Variants in GNAQ observed in about 807,000 individuals in gnomAD.
The protein encoded by GNAQ is guanine nucleotide-binding protein G(q) subunit alpha.
In GNAQ, 8 loss-of-function variants were observed where a neutral mutation model predicts 43.9. That is an observed-to-expected ratio of 0.18 (90% confidence interval 0.11 to 0.33). GNAQ has a LOEUF of 0.33. Ranked by LOEUF, GNAQ falls within the 10% of genes least tolerant of loss-of-function variation. GNAQ has a pLI of 1.00. For synonymous variants in GNAQ, 155 were observed against 170.7 expected (o/e 0.91, Z 0.71); for missense variants, 158 against 450.8 (o/e 0.35, Z 5.88).
chr9:77,817,883 A>C (rs1484004981), intron 2 of GNAQ, among the ~76,000 whole-genome samples: 1 of 152,200 alleles, frequency 6.6e-6, no homozygotes, highest in African/African-American at 2.4e-5. Context: ...TGGCGGGTGA[A>C]GATGAAGATG....
intron 2 of GNAQ, among the ~76,000 whole-genome samples, chr9:77,881,894 T>C (rs1381548102): frequency 1.3e-5 from 2 of 152,152 alleles, no homozygotes; most frequent in African/African-American, 2.4e-5. Flanking sequence ...TCCCAGTACT[T>C]TGGGAGGCCG....
At chr9:78,023,006 A>G (rs1456361123) in intron 1 of GNAQ, among the ~76,000 whole-genome samples, 1 of 152,202 alleles carries the variant, frequency 6.6e-6, no homozygotes, top group Non-Finnish European at 1.5e-5. Context: ...TTAAGTGAGG[A>G]AGATGCCTAC....
chr9:77,772,236 C>A (rs928994757), intron 5 of GNAQ, among the ~76,000 whole-genome samples: 5 of 152,172 alleles, frequency 3.3e-5, no homozygotes, highest in African/African-American at 1.2e-4. Flanking sequence ...TATCCTTTAA[C>A]ATTTTCTATT....
intron 1 of GNAQ, among the ~76,000 whole-genome samples, chr9:77,934,183 G>A (rs1188143334): frequency 3.4e-5 from 5 of 146,190 alleles, no homozygotes; most frequent in Admixed American, 6.8e-5. Context: ...ACAACGATCC[G>A]CACATAGCCA....
At chr9:77,893,640 C>T (rs1828440238) in intron 2 of GNAQ, among the ~76,000 whole-genome samples, 3 of 152,150 alleles carry the variant, frequency 2.0e-5, no homozygotes, top group South Asian at 2.1e-4. Flanking sequence ...ATTTCTTGCT[C>T]GAGCTCCAAG....
At chr9:77,735,316 AG>A (rs974024949) in intron 5 of GNAQ, among the ~76,000 whole-genome samples, 33 of 152,226 alleles carry the variant, frequency 2.2e-4, no homozygotes, top group Admixed American at 1.1e-3. Context: ...AAGCAAGACC[AG>A]TTGATTTACT....
In GNAQ at chr9:77,989,265, C is replaced by T. The variant is rs114637953; in HGVS notation, c.136+41835G>A. On this transcript the variant is annotated intron_variant, in intron 1 of 6. Coordinates refer to ENST00000286548, the MANE Select transcript of GNAQ (RefSeq NM_002072.5). ...CAAGTACCTCTGGCTGCCTACCCAA[C>T]ATCCCCTCTCCATTAAACATTTGCC... 2.2e-3 allele frequency among the ~76,000 whole-genome samples: 337 copies of T among 152,318 alleles called. 5 individuals are homozygous for T. Among genetic ancestry groups the T allele is most frequent in the African/African-American group, 7.5e-3 (313 of 41,578 alleles).
intron 3 of GNAQ, among the ~76,000 whole-genome samples, chr9:77,812,361 T>C (rs1441579264): frequency 6.6e-6 from 1 of 152,196 alleles, no homozygotes; most frequent in Non-Finnish European, 1.5e-5. Context: ...TCATCCACCA[T>C]GGGTAAACAA....
At position 77,967,705 on chromosome 9, in the gene GNAQ, C is replaced by A. The variant is rs568854823; in HGVS notation, c.137-45360G>T. Among the ~76,000 whole-genome samples the A allele has an allele frequency of 3.3e-5, 5 of 152,204 alleles. No homozygotes were observed. The East Asian group carries it at 9.7e-4, about 29-fold the overall frequency. ...TGTTAAAATGTTCAGGTCTGCTGGG[C>A]GCGGTGGCTCTCTCCTGTAATCCCA... On this transcript the variant is annotated intron_variant, in intron 1 of 6. Transcript: ENST00000286548.
At chr9:78,021,527 A>C (rs1235642484) in intron 1 of GNAQ, among the ~76,000 whole-genome samples, 1 of 152,234 alleles carries the variant, frequency 6.6e-6, no homozygotes, top group Non-Finnish European at 1.5e-5. Context: ...TGATGGAAAA[A>C]GAAATGAACA....
intron 3 of GNAQ, among the ~76,000 whole-genome samples, chr9:77,808,393 T>C (rs984960373): frequency 6.7e-6 from 1 of 149,692 alleles, no homozygotes; most frequent in Non-Finnish European, 1.5e-5. Flanking sequence ...TTGGAAAATG[T>C]GGCCCACTAG....
intron 5 of GNAQ, among the ~76,000 whole-genome samples, chr9:77,731,910 T>TTATGC (rs1825496747): frequency 6.6e-6 from 1 of 152,192 alleles, no homozygotes; most frequent in East Asian, 1.9e-4. Context: ...TTAAGATTCT[T>TTATGC]TATGCTATGC....
chr9:77,942,434 T>C (rs1257617390), intron 1 of GNAQ, among the ~76,000 whole-genome samples: 2 of 152,254 alleles, frequency 1.3e-5, no homozygotes, highest in African/African-American at 4.8e-5. Context: ...TCTGCAGTGA[T>C]CCATCACTCT....
chr9:77,782,342 A>G (rs991977454), intron 5 of GNAQ, among the ~76,000 whole-genome samples: 1 of 152,222 alleles, frequency 6.6e-6, no homozygotes, highest in Non-Finnish European at 1.5e-5. Context: ...AGACTTGTAC[A>G]TCTGTTCACT....
At chr9:77,725,295 C>T (rs1226033118) in intron 6 of GNAQ, among the ~76,000 whole-genome samples, 1 of 152,124 alleles carries the variant, frequency 6.6e-6, no homozygotes, top group African/African-American at 2.4e-5. Flanking sequence ...AGGGTAATTT[C>T]CTTTCTTGAA....
chr9:77,892,445 G>T (rs1282370075), intron 2 of GNAQ, among the ~76,000 whole-genome samples: 1 of 152,166 alleles, frequency 6.6e-6, no homozygotes, highest in Non-Finnish European at 1.5e-5. Flanking sequence ...TTCAATACTG[G>T]TTTCTATCAC....
chr9:77,763,583 T>C (rs918123383), intron 5 of GNAQ, among the ~76,000 whole-genome samples: 9 of 152,228 alleles, frequency 5.9e-5, no homozygotes, highest in African/African-American at 2.2e-4. Context: ...TTCAGGAAGA[T>C]AACTATGAAT....
At chr9:77,756,394 G>A (rs1248903985) in intron 5 of GNAQ, among the ~76,000 whole-genome samples, 1 of 152,240 alleles carries the variant, frequency 6.6e-6, no homozygotes, top group African/African-American at 2.4e-5. Flanking sequence ...CTATGGCACA[G>A]ACTATTCACT....
At chr9:78,026,327 T>G (rs1332225078) in intron 1 of GNAQ, among the ~76,000 whole-genome samples, 1 of 152,172 alleles carries the variant, frequency 6.6e-6, no homozygotes, top group Non-Finnish European at 1.5e-5. Flanking sequence ...TCCGAAGGCT[T>G]TGTTATACAG....
Sources: allele counts gnomAD v4.1 joint callset (sites outside exome capture counted in the v4.1 genomes callset), GRCh38; gene constraint gnomAD v4.1.1; transcripts MANE v1.5; gene names NCBI Gene and HGNC (gene_info 2026-07-23, HGNC 2026-07-21).